Variants in GABBR1 observed in about 807,000 individuals in gnomAD.
GABBR1 encodes the protein gamma-aminobutyric acid type B receptor subunit 1.
In GABBR1, 35 loss-of-function variants were observed where a neutral mutation model predicts 117.7. The observed-to-expected ratio is 0.30, with a 90% CI of 0.23 to 0.39. The LOEUF (loss-of-function observed/expected upper bound fraction) is 0.39. Ranked by LOEUF, GABBR1 falls within the 10% of genes least tolerant of loss-of-function variation. The probability of loss-of-function intolerance (pLI) is 1.00; values close to 1 mark genes in which losing one functional copy is unlikely to be tolerated. For synonymous variants in GABBR1, 442 were observed against 486.6 expected (o/e 0.91, Z 1.21); for missense variants, 709 against 1,241.8 (o/e 0.57, Z 6.45).
At chr6:29,618,931 CCA>C (rs1432435465) in intron 11 of GABBR1, among the ~76,000 whole-genome samples, 2 of 152,146 alleles carry the variant, frequency 1.3e-5, no homozygotes, top group Non-Finnish European at 1.5e-5. Context: ...AAAAATGCCT[CCA>C]GATAGTATAG....
In GABBR1 at chr6:29,621,171, G is replaced by A; in HGVS notation, c.1253C>T (p.Ala418Val). 3 of 1,612,958 alleles carry A rather than the reference G, an allele frequency of 1.9e-6. No individual in the cohort carries two copies. Among genetic ancestry groups the A allele is most frequent in the Non-Finnish European group, 2.5e-6 (3 of 1,179,988 alleles). ...CTCAGTTGTGATGTGGCCCTCCACC[G>A]CCTCAGTCATCTCATCCACTGTGCA... is the stretch of plus-strand genomic sequence containing the variant. Reference protein sequence around the residue: ...INCTVDEMTEAVEGHITTEIV... With the variant: ...INCTVDEMTEVVEGHITTEIV... Residue 418 changes from alanine to valine, a missense_variant, in exon 11 of 23, where the codon GCG becomes GTG. This residue lies in a region of GABBR1 where 192 missense variants were observed against 418.4 expected (regional missense o/e 0.46). Coordinates refer to ENST00000377034, the MANE Select transcript of GABBR1 (RefSeq NM_001470.4). This position sits in a 1 kb window ranked among gnomAD's most constrained non-coding sequence, Gnocchi z 5.0.
Position 29,613,206 on chromosome 6 carries a change from G to T in GABBR1, c.1566+37C>A. 3 of 1,601,480 alleles carry T rather than the reference G, an allele frequency of 1.9e-6. No homozygotes were observed. Among genetic ancestry groups the T allele is most frequent in the South Asian group, 1.1e-5 (1 of 90,586 alleles). On this transcript the variant is annotated intron_variant, in intron 12 of 22. Transcript: ENST00000377034. This position sits in a 1 kb window ranked among gnomAD's most constrained non-coding sequence, Gnocchi z 4.1. ...CCTCTTGGGAGTCTCTCTCAAGATT[G>T]GGAAGACAGGGGAGTATGAAGGAAG...
In GABBR1 at chr6:29,630,524, G is replaced by A; in HGVS notation, c.409C>T (p.Leu137=). 1 of 1,613,116 alleles carries A rather than the reference G, an allele frequency of 6.2e-7. No individual in the cohort carries two copies. Among genetic ancestry groups the A allele is most frequent in the Non-Finnish European group, 8.5e-7 (1 of 1,180,040 alleles). The change falls in exon 4 of 23, where the codon CTG becomes TTG. Residue 137 remains leucine, a synonymous_variant. Coordinates refer to ENST00000377034, the MANE Select transcript of GABBR1 (RefSeq NM_001470.4). The surrounding 1 kb of genome is among the most constrained non-coding windows in gnomAD (Gnocchi z 4.9). ...VDFRCDPDFH[L]VGSSRSICSQ... ...CAGATGCTCCGGGAGCTGCCCACCA[G>A]ATGGAAGTCGGGGTCACACCGGAAA...
In GABBR1 at chr6:29,622,608, A is replaced by G. The variant is rs1374785619; in HGVS notation, c.964-403T>C. 4.9e-6 allele frequency: 1 copy of G among 205,472 alleles called. No homozygotes were observed. The highest frequency in any genetic ancestry group is 1.0e-5 in the Non-Finnish European group (1 of 100,314). The allele number at this position is 205,472 out of a possible 1,614,324, so 12.7% of individuals were successfully genotyped here. A position where few individuals can be genotyped will look rare whatever the true frequency, so the allele number is the denominator to read the frequency against. Reference sequence around the variant, plus strand: ...AAAGGATCAGAGAAGAATGGTCTGAATCAGAGTGAAAGTGGGGGAGGATTA... The same window carrying G: ...AAAGGATCAGAGAAGAATGGTCTGAGTCAGAGTGAAAGTGGGGGAGGATTA... On this transcript the variant is annotated intron_variant, in intron 8 of 22. Coordinates refer to ENST00000377034, the MANE Select transcript of GABBR1 (RefSeq NM_001470.4). The surrounding 1 kb of genome is among the most constrained non-coding windows in gnomAD (Gnocchi z 4.6).
rs1442398801 is a variant in GABBR1, at chr6:29,630,502, A to G, written c.431T>C (p.Ile144Thr). Residue 144 changes from isoleucine (I) to threonine (T), a missense_variant, in exon 4 of 23, where the codon ATC becomes ACC. By Grantham distance (89) the Ile-to-Thr change is moderately conservative. Around this residue, in one of 9 missense-constraint regions of GABBR1, gnomAD observed 101 missense variants for 132.3 expected, o/e 0.76. Transcript: ENST00000377034. The surrounding 1 kb of genome is among the most constrained non-coding windows in gnomAD (Gnocchi z 4.9). ...DFHLVGSSRS[I>T]CSQGQWSTPK... Reference sequence around the variant, plus strand: ...GGTGCTCCACTGGCCCTGACTACAGATGCTCCGGGAGCTGCCCACCAGATG... The same window carrying G: ...GGTGCTCCACTGGCCCTGACTACAGGTGCTCCGGGAGCTGCCCACCAGATG... 6.2e-7 allele frequency: 1 copy of G among 1,612,896 alleles called. No homozygotes were observed. Among genetic ancestry groups the G allele is most frequent in the African/African-American group, 1.3e-5 (1 of 74,914 alleles).
chr6:29,627,458 T>G lies in GABBR1; in HGVS notation c.657+28A>C. ...GCCCCCTGCCCCGCAAGCCCCCACCTCCCACCCACCCCCATGTCCAGGGCT... is the reference window on the plus strand; with the variant it reads ...GCCCCCTGCCCCGCAAGCCCCCACCGCCCACCCACCCCCATGTCCAGGGCT... On this transcript the variant is annotated intron_variant, in intron 6 of 22. Transcript: ENST00000377034. The surrounding 1 kb of genome is among the most constrained non-coding windows in gnomAD (Gnocchi z 4.4). 44 of 409,578 alleles carry G rather than the reference T, an allele frequency of 1.1e-4. No homozygotes were observed. Among genetic ancestry groups the G allele is most frequent in the Non-Finnish European group, 1.5e-4 (38 of 254,180 alleles). 25.4% of individuals were successfully genotyped at this position (409,578 alleles called of 1,614,324 possible).
At position 29,632,172 on chromosome 6, in the gene GABBR1, G is replaced by T; in HGVS notation, c.85+129C>A. Reference sequence around the variant, plus strand: ...GTCAGCAGTAGTAAAGTCGGGCCGAGCAGAAGGGGTTGCCAGACCGGGATG... The same window carrying T: ...GTCAGCAGTAGTAAAGTCGGGCCGATCAGAAGGGGTTGCCAGACCGGGATG... On this transcript the variant is annotated intron_variant, in intron 2 of 22. Coordinates refer to ENST00000377034, the MANE Select transcript of GABBR1 (RefSeq NM_001470.4). The surrounding 1 kb of genome is among the most constrained non-coding windows in gnomAD (Gnocchi z 5.8). 1.8e-6 allele frequency: 1 copy of T among 552,944 alleles called. No individual in the cohort carries two copies. The highest frequency in any genetic ancestry group is 3.1e-6 in the Non-Finnish European group (1 of 326,382). 34.3% of individuals were successfully genotyped at this position (552,944 alleles called of 1,614,324 possible). A position where few individuals can be genotyped will look rare whatever the true frequency, so the allele number is the denominator to read the frequency against.
Position 29,621,527 on chromosome 6 carries a change from T to C in GABBR1, c.1131+225A>G, listed in dbSNP as rs1763747707. The stretch of plus-strand genomic sequence containing the variant: ...AGCCAGTCAGGACAGATGGAATTCA[T>C]GGGCTTCTCAGGAAACACAAAGCAG... On this transcript the variant is annotated intron_variant, in intron 10 of 22. Transcript: ENST00000377034. This position sits in a 1 kb window ranked among gnomAD's most constrained non-coding sequence, Gnocchi z 5.0. Among the ~76,000 whole-genome samples, 1 of 152,200 alleles carries C rather than the reference T, an allele frequency of 6.6e-6. No homozygotes were observed. The highest frequency in any genetic ancestry group is 6.5e-5 in the Admixed American group (1 of 15,280).
Position 29,630,650 on chromosome 6 carries a change from A to T in GABBR1, c.290-7T>A. ...GACTTGGAGCAGATTCGGACTGTGGAGAGATAGGAAAATAAGAAGAGAGGC... is the reference window on the plus strand; with the variant it reads ...GACTTGGAGCAGATTCGGACTGTGGTGAGATAGGAAAATAAGAAGAGAGGC... On this transcript the variant is annotated splice_region_variant and splice_polypyrimidine_tract_variant and intron_variant, in intron 3 of 22. Transcript: ENST00000377034. The surrounding 1 kb of genome is among the most constrained non-coding windows in gnomAD (Gnocchi z 4.9). 1 of 1,598,570 alleles carries T rather than the reference A, an allele frequency of 6.3e-7. No homozygotes were observed. The highest frequency in any genetic ancestry group is 1.1e-5 in the South Asian group (1 of 90,860).
chr6:29,605,795 A>G lies in GABBR1; in HGVS notation c.2312-99T>C. The G allele has an allele frequency of 6.9e-7, 1 of 1,444,550 alleles. No individual in the cohort carries two copies. The highest frequency in any genetic ancestry group is 9.4e-7 in the Non-Finnish European group (1 of 1,068,194). The allele number at this position is 1,444,550 out of a possible 1,614,324, so 89.5% of individuals were successfully genotyped here. A position where few individuals can be genotyped will look rare whatever the true frequency, so the allele number is the denominator to read the frequency against. On this transcript the variant is annotated intron_variant, in intron 19 of 22. Coordinates refer to ENST00000377034, the MANE Select transcript of GABBR1 (RefSeq NM_001470.4). The surrounding 1 kb of genome is among the most constrained non-coding windows in gnomAD (Gnocchi z 4.2). ...GCCCTTCACCTACTCTGAAATGGAA[A>G]GGGGGCCCTCCTCTCCAATCCAACC...
rs1211481221 is a variant in GABBR1, at chr6:29,621,048, C to T, written c.1323+53G>A. The T allele has an allele frequency of 2.0e-6, 3 of 1,535,604 alleles. No homozygotes were observed. Among genetic ancestry groups the T allele is most frequent in the Non-Finnish European group, 2.7e-6 (3 of 1,126,368 alleles). On this transcript the variant is annotated intron_variant, in intron 11 of 22. Coordinates refer to ENST00000377034, the MANE Select transcript of GABBR1 (RefSeq NM_001470.4). This position sits in a 1 kb window ranked among gnomAD's most constrained non-coding sequence, Gnocchi z 5.0. ...GCCACCCTTTCCCCTGCAAGGCCCC[C>T]TCAGTCCTCTCCACCCTCCCAGGTG...
In GABBR1 at chr6:29,627,675, G is replaced by C. The variant is rs1405248261; in HGVS notation, c.497-29C>G. On this transcript the variant is annotated intron_variant, in intron 5 of 22. Coordinates refer to ENST00000377034, the MANE Select transcript of GABBR1 (RefSeq NM_001470.4). This position sits in a 1 kb window ranked among gnomAD's most constrained non-coding sequence, Gnocchi z 4.4. ...AGGAGGGGTGCGGGGGGACCCGCGAGTGAGGCCGCGGGAGATGGGGGGAGT... is the reference window on the plus strand; with the variant it reads ...AGGAGGGGTGCGGGGGGACCCGCGACTGAGGCCGCGGGAGATGGGGGGAGT... The C allele has an allele frequency of 9.8e-6, 15 of 1,536,340 alleles. No homozygotes were observed. Among genetic ancestry groups the C allele is most frequent in the Non-Finnish European group, 1.3e-5 (15 of 1,146,446 alleles).
Position 29,602,520 on chromosome 6 carries a change from ATGG to A in GABBR1, c.*1020_*1022del. 5.9e-5 allele frequency: 10 copies of A among 169,302 alleles called. No homozygotes were observed. The highest frequency in any genetic ancestry group is 2.7e-4 in the South Asian group (2 of 7,328). 10.5% of individuals were successfully genotyped at this position (169,302 alleles called of 1,614,324 possible). A position where few individuals can be genotyped will look rare whatever the true frequency, so the allele number is the denominator to read the frequency against. ...AGACTGAGGGTAGTACATGAATGCA[ATGG>A]AGATGGGGGGAATCTGAGCAGAAAT... On this transcript the variant is annotated 3_prime_UTR_variant, in exon 23 of 23. Coordinates refer to ENST00000377034, the MANE Select transcript of GABBR1 (RefSeq NM_001470.4).
At chr6:29,614,435 G>C (rs2267634) in intron 11 of GABBR1, among the ~76,000 whole-genome samples, 2,644 of 152,324 alleles carry the variant, frequency 0.017, 52 homozygotes, top group African/African-American at 0.038. Context: ...AGAATAAATA[G>C]ATGAATGAAG....
Position 29,631,269 on chromosome 6 carries a change from T to C in GABBR1, c.289+127A>G. On this transcript the variant is annotated intron_variant, in intron 3 of 22. Transcript: ENST00000377034. The surrounding 1 kb of genome is among the most constrained non-coding windows in gnomAD (Gnocchi z 5.9). The stretch of plus-strand genomic sequence containing the variant: ...CAAAATTGCTCTTATGTAGTAGTCA[T>C]TCAATAAATGTATTTGTGAATTTTG... The C allele has an allele frequency of 1.0e-6, 1 of 974,226 alleles. No homozygotes were observed. The highest frequency in any genetic ancestry group is 1.6e-6 in the Non-Finnish European group (1 of 638,102). The allele number at this position is 974,226 out of a possible 1,614,324, so 60.3% of individuals were successfully genotyped here. A position where few individuals can be genotyped will look rare whatever the true frequency, so the allele number is the denominator to read the frequency against.
chr6:29,604,766 G>A lies in GABBR1; in HGVS notation c.2568+94C>T, dbSNP rs1470557795. On this transcript the variant is annotated intron_variant, in intron 21 of 22. Transcript: ENST00000377034. This position sits in a 1 kb window ranked among gnomAD's most constrained non-coding sequence, Gnocchi z 5.3. ...AAAACAAGGGGAGGAGTGAGAGGAG[G>A]GTGAACGGAAGGGCAGAGGAACTCA... 3.2e-6 allele frequency: 5 copies of A among 1,581,934 alleles called. No individual in the cohort carries two copies. The East Asian group carries it at 9.0e-5, about 28-fold the overall frequency.
chr6:29,620,386 G>A lies in GABBR1; in HGVS notation c.1323+715C>T, dbSNP rs1763625825. On this transcript the variant is annotated intron_variant, in intron 11 of 22. Transcript: ENST00000377034. The surrounding 1 kb of genome is among the most constrained non-coding windows in gnomAD (Gnocchi z 4.5). ...CTTGGTGTAATAAGCAGACACATAG[G>A]TGGCCGTATCGAGCTTACCCAAAAT... is the stretch of plus-strand genomic sequence containing the variant. Among the ~76,000 whole-genome samples, 1 of 152,122 alleles carries A rather than the reference G, an allele frequency of 6.6e-6. No homozygotes were observed. The highest frequency in any genetic ancestry group is 2.1e-4 in the South Asian group (1 of 4,818).
At position 29,632,417 on chromosome 6, in the gene GABBR1, G is replaced by C; in HGVS notation, c.1-32C>G. On this transcript the variant is annotated intron_variant, in intron 1 of 22. Transcript: ENST00000377034. This position sits in a 1 kb window ranked among gnomAD's most constrained non-coding sequence, Gnocchi z 5.8. ...GAGAGGCGGCCATGAGGACTGGACC[G>C]AGCCCCGCCGGCGCGGCCCGCACCC... 1 of 1,332,460 alleles carries C rather than the reference G, an allele frequency of 7.5e-7. No individual in the cohort carries two copies. The highest frequency in any genetic ancestry group is 1.9e-5 in the South Asian group (1 of 51,500). The allele number at this position is 1,332,460 out of a possible 1,614,324, so 82.5% of individuals were successfully genotyped here. A position where few individuals can be genotyped will look rare whatever the true frequency, so the allele number is the denominator to read the frequency against.
rs1765154506 is a variant in GABBR1 at position 29,632,839 on chromosome 6, C to G, written c.-1+11G>C. The G allele has an allele frequency of 2.2e-6, 1 of 460,042 alleles. No individual in the cohort carries two copies. The allele number at this position is 460,042 out of a possible 1,614,324, so 28.5% of individuals were successfully genotyped here. ...CTCCGAGCCCTGCTAACCCGGGGCC[C>G]TGGCTCTTACCTCGGCGCGCGGGCC... On this transcript the variant is annotated intron_variant, in intron 1 of 22. Coordinates refer to ENST00000377034, the MANE Select transcript of GABBR1 (RefSeq NM_001470.4). The surrounding 1 kb of genome is among the most constrained non-coding windows in gnomAD (Gnocchi z 5.8).
Sources: allele counts gnomAD v4.1 joint callset (sites outside exome capture counted in the v4.1 genomes callset), GRCh38; gene constraint gnomAD v4.1.1; regional missense constraint gnomAD v4.1.1; non-coding constraint Gnocchi (gnomAD v3.1); transcripts MANE v1.5; gene names NCBI Gene and HGNC (gene_info 2026-07-23, HGNC 2026-07-21).